MVD: variants seen among roughly 807,000 people sequenced by gnomAD.
MVD encodes the protein diphosphomevalonate decarboxylase.
In MVD, 52 loss-of-function variants were observed where a neutral mutation model predicts 42.4. That is an observed-to-expected ratio of 1.23 (90% confidence interval 0.98 to 1.55). MVD has a LOEUF of 1.55. Ranked by LOEUF, MVD falls within the 40% of genes most tolerant of loss-of-function variation. The pLI, the probability that MVD is intolerant of heterozygous loss-of-function variation, is 0.00. For missense variants in MVD, 663 were observed against 572.1 expected, an observed-to-expected ratio of 1.16 and a Z score of -1.62; for synonymous variants, 287 against 243.2, an observed-to-expected ratio of 1.18 and a Z score of -1.68.
intron 1 of MVD, chr16:88,659,034 T>G: frequency 2.7e-6 from 1 of 372,374 alleles, no homozygotes; most frequent in African/African-American, 2.1e-5. Flanking sequence ...CTGCCTCCCC[T>G]CCACCTTCCC....
At chr16:88,660,323 G>T (rs767192855) in intron 1 of MVD, among the ~76,000 whole-genome samples, 1 of 152,172 alleles carries the variant, frequency 6.6e-6, no homozygotes, top group Non-Finnish European at 1.5e-5. Context: ...GTCTCTGAAC[G>T]TTACAAGAAA....
intron 1 of MVD, among the ~76,000 whole-genome samples, chr16:88,661,939 G>A (rs1908324018): frequency 3.1e-5 from 1 of 32,542 alleles, no homozygotes; most frequent in Non-Finnish European, 9.9e-5. Context: ...TATCTATACA[G>A]GTGTATATAT....
chr16:88,652,508 G>T lies in MVD; in HGVS notation c.*17C>A. 1 of 1,559,608 alleles carries T rather than the reference G, an allele frequency of 6.4e-7. No homozygotes were observed. Among genetic ancestry groups the T allele is most frequent in the Non-Finnish European group, 8.7e-7 (1 of 1,151,804 alleles). ...GCCACCCCTTCTCCAAGCGGCATGCGGTCCCTGCTGAGGCAGTCAGGCAGC... is the reference window on the plus strand; with the variant it reads ...GCCACCCCTTCTCCAAGCGGCATGCTGTCCCTGCTGAGGCAGTCAGGCAGC... On this transcript the variant is annotated 3_prime_UTR_variant, in exon 10 of 10. Coordinates refer to ENST00000301012, the MANE Select transcript of MVD (RefSeq NM_002461.3).
chr16:88,653,718 C>G (rs1907724954), intron 8 of MVD: 1 of 291,688 alleles, frequency 3.4e-6, no homozygotes, highest in Non-Finnish European at 6.4e-6. Context: ...GCTGGACCCA[C>G]ATCTGGCCAA....
Position 88,663,025 on chromosome 16 carries a change from G to T in MVD, c.56C>A (p.Ala19Glu), listed in dbSNP as rs532101272. The T allele has an allele frequency of 6.2e-7, 1 of 1,607,860 alleles. No individual in the cohort carries two copies. The highest frequency in any genetic ancestry group is 2.2e-5 in the East Asian group (1 of 44,610). ...AVTCTAPVNI[A>E]VIKYWGKRDE... Reference sequence around the variant, plus strand: ...GCGGCACTCACAGTACTTGATGACCGCGATGTTGACCGGCGCTGTACAAGT... The same window carrying T: ...GCGGCACTCACAGTACTTGATGACCTCGATGTTGACCGGCGCTGTACAAGT... The change falls in exon 1 of 10, where the codon GCG becomes GAG. Residue 19 changes from alanine (A) to glutamate (E), a missense_variant. Ala to Glu is a moderately radical substitution (Grantham distance 107, BLOSUM62 -1). Coordinates refer to ENST00000301012, the MANE Select transcript of MVD (RefSeq NM_002461.3).
In MVD at chr16:88,653,416, A is replaced by G. The variant is rs79325107; in HGVS notation, c.1014-8T>C. 1.2e-6 allele frequency: 2 copies of G among 1,604,784 alleles called. No individual in the cohort carries two copies. Among genetic ancestry groups the G allele is most frequent in the East Asian group, 2.2e-5 (1 of 44,526 alleles). The stretch of plus-strand genomic sequence containing the variant: ...TGCAGCCCCTTCAGAAACCTGGAAA[A>G]GCAGGGCAGGGGCACGGTGAATGCA... On this transcript the variant is annotated splice_region_variant and splice_polypyrimidine_tract_variant and intron_variant, in intron 8 of 9. Coordinates refer to ENST00000301012, the MANE Select transcript of MVD (RefSeq NM_002461.3).
rs1908109284 is a variant in MVD at position 88,658,799 on chromosome 16, C to G, written c.71-79G>C. 4.8e-6 allele frequency: 5 copies of G among 1,037,690 alleles called. No homozygotes were observed. In the South Asian group the frequency reaches 6.8e-5, roughly 14 times the overall value. 64.3% of individuals were successfully genotyped at this position (1,037,690 alleles called of 1,614,324 possible). On this transcript the variant is annotated intron_variant, in intron 1 of 9. Coordinates refer to ENST00000301012, the MANE Select transcript of MVD (RefSeq NM_002461.3). ...AGTGTTCCCCACAGGTGCCCCCACC[C>G]CCCACCCACGGCCCCCATCCGCCTC...
In MVD at chr16:88,652,113, T is replaced by G; in HGVS notation, c.*412A>C. The G allele has an allele frequency of 4.0e-6, 1 of 247,596 alleles. No individual in the cohort carries two copies. The highest frequency in any genetic ancestry group is 8.1e-6 in the Non-Finnish European group (1 of 124,012). The allele number at this position is 247,596 out of a possible 1,614,324, so 15.3% of individuals were successfully genotyped here. Reference sequence around the variant, plus strand: ...CCACCATCCGAGGCACTTGGTGGTTTCCTGAGGCCCAAGGAGGCTGCTCCC... The same window carrying G: ...CCACCATCCGAGGCACTTGGTGGTTGCCTGAGGCCCAAGGAGGCTGCTCCC... On this transcript the variant is annotated 3_prime_UTR_variant, in exon 10 of 10. Coordinates refer to ENST00000301012, the MANE Select transcript of MVD (RefSeq NM_002461.3).
Position 88,654,758 on chromosome 16 carries a change from T to C in MVD, c.947A>G (p.Asp316Gly), listed in dbSNP as rs778946876. ...AGCCACAAACTCAGCCACAGTGTCG[T>C]CCAGGGTGAAGATCACGGCATTGGG... Reference protein sequence around the residue: ...AGPNAVIFTLDDTVAEFVAAV... With the variant: ...AGPNAVIFTLGDTVAEFVAAV... Residue 316 changes from aspartate to glycine, a missense_variant, in exon 8 of 10, where the codon GAC becomes GGC. By Grantham distance (94) the Asp-to-Gly change is moderately conservative (BLOSUM62 -1). Coordinates refer to ENST00000301012, the MANE Select transcript of MVD (RefSeq NM_002461.3). The C allele has an allele frequency of 6.2e-7, 1 of 1,600,804 alleles. No homozygotes were observed. Among genetic ancestry groups the C allele is most frequent in the Non-Finnish European group, 8.5e-7 (1 of 1,175,778 alleles).
intron 1 of MVD, chr16:88,662,001 G>A (rs1257585401): frequency 6.6e-6 from 1 of 151,166 alleles, no homozygotes; most frequent in Non-Finnish European, 1.5e-5. Context: ...GAGAGAGACA[G>A]AGAGGCATAT....
rs1396019467 is a variant in MVD at position 88,657,599 on chromosome 16, A to G, written c.257-17T>C. ...GGCAGCGGACTGCAGAGACAATGAG[A>G]CAGCGTGTGGCCCAGCCGTCAGCAC... is the stretch of plus-strand genomic sequence containing the variant. On this transcript the variant is annotated splice_polypyrimidine_tract_variant and intron_variant, in intron 3 of 9. Transcript: ENST00000301012. 2 of 1,608,836 alleles carry G rather than the reference A, an allele frequency of 1.2e-6. No homozygotes were observed. Among genetic ancestry groups the G allele is most frequent in the South Asian group, 2.2e-5 (2 of 90,918 alleles).
rs1429715532 is a variant in MVD, at chr16:88,658,740, C to A, written c.71-20G>T. ...TGCCCCCTGTAATGAACAGCCAGGG[C>A]CAGGCCGGTGGGCTTCCCGGCCCAC... is the stretch of plus-strand genomic sequence containing the variant. On this transcript the variant is annotated intron_variant, in intron 1 of 9. Transcript: ENST00000301012. 2 of 1,602,864 alleles carry A rather than the reference C, an allele frequency of 1.2e-6. No individual in the cohort carries two copies. Among genetic ancestry groups the A allele is most frequent in the African/African-American group, 1.3e-5 (1 of 74,624 alleles).
chr16:88,655,407 T>G lies in MVD; in HGVS notation c.689A>C (p.Glu230Ala), dbSNP rs1907849457. The G allele has an allele frequency of 1.9e-6, 3 of 1,575,598 alleles. No homozygotes were observed. The highest frequency in any genetic ancestry group is 2.6e-6 in the Non-Finnish European group (3 of 1,164,478). Residue 230 changes from glutamate (E) to alanine (A), a missense_variant, in exon 7 of 10, where the codon GAG (glutamate) becomes GCG (alanine). Coordinates refer to ENST00000301012, the MANE Select transcript of MVD (RefSeq NM_002461.3). ...ETSPLLRFRA[E>A]SVVPARMAEM... The stretch of plus-strand genomic sequence containing the variant: ...CGCCATGCGCGCGGGCACCACGGAC[T>G]CGGCCCGGAACTGCAAGGCACAGGG...
chr16:88,653,638 C>T lies in MVD; in HGVS notation c.1014-230G>A, dbSNP rs551099225. On this transcript the variant is annotated intron_variant, in intron 8 of 9. Transcript: ENST00000301012. ...ATGACCCTGTGAATGTCCTCAACAC[C>T]GCAGGATTATATGCTCTCGAATGGC... is the stretch of plus-strand genomic sequence containing the variant. 5.3e-5 allele frequency: 27 copies of T among 506,038 alleles called. No individual in the cohort carries two copies. The East Asian group carries it at 7.8e-4, about 15-fold the overall frequency. The allele number at this position is 506,038 out of a possible 1,614,324, so 31.3% of individuals were successfully genotyped here.
At chr16:88,654,514 G>C (rs1012141718) in intron 8 of MVD, among the ~76,000 whole-genome samples, 178 bp downstream of exon 8, 2 of 152,202 alleles carry the variant, frequency 1.3e-5, no homozygotes, top group South Asian at 4.1e-4. Flanking sequence ...CCCTGTGGAC[G>C]TGGGCTGTGG....
intron 1 of MVD, among the ~76,000 whole-genome samples, chr16:88,659,692 G>A (rs562372973): frequency 3.9e-5 from 6 of 152,294 alleles, no homozygotes; most frequent in South Asian, 2.1e-4. Context: ...CTGGCCGGGC[G>A]CGGTGGCTCA....
chr16:88,657,562 G>T lies in MVD; in HGVS notation c.277C>A (p.Arg93=). The T allele has an allele frequency of 6.2e-7, 1 of 1,612,650 alleles. No individual in the cohort carries two copies. Among genetic ancestry groups the T allele is most frequent in the Non-Finnish European group, 8.5e-7 (1 of 1,179,798 alleles). The change falls in exon 4 of 10, where the codon CGG becomes AGG. Residue 93 remains arginine, a synonymous_variant. Transcript: ENST00000301012. Reference sequence around the variant, plus strand: ...GGGTCCCCATCCCGTGAGTTCCTCCGCTTCCGGGCCAGGCAGCGGACTGCA... The same window carrying T: ...GGGTCCCCATCCCGTGAGTTCCTCCTCTTCCGGGCCAGGCAGCGGACTGCA... ...LREIRCLARK[R]RNSRDGDPLP... is the part of the protein sequence containing the mutation.
intron 3 of MVD, 87 bp downstream of exon 3, chr16:88,657,827 AG>A: frequency 3.6e-6 from 5 of 1,406,692 alleles, no homozygotes; most frequent in Non-Finnish European, 4.0e-6. Flanking sequence ...CTGCTGCCTC[AG>A]GAGGGGCACA....
intron 5 of MVD, 182 bp downstream of exon 5, chr16:88,655,923 G>A (rs1016506230): frequency 1.8e-6 from 2 of 1,104,246 alleles, no homozygotes; most frequent in African/African-American, 3.1e-5. Flanking sequence ...CCAGCGGGTG[G>A]TGGCGCCCGC....
Sources: allele counts gnomAD v4.1 joint callset (sites outside exome capture counted in the v4.1 genomes callset), GRCh38; gene constraint gnomAD v4.1.1; transcripts MANE v1.5; gene names NCBI Gene and HGNC (gene_info 2026-07-23, HGNC 2026-07-21).